PEX5L: variants seen among roughly 807,000 people sequenced by gnomAD.
PEX5L encodes peroxisomal biogenesis factor 5 like.
A neutral mutation model predicts 84.0 loss-of-function variants in PEX5L; 30 were observed. The observed-to-expected ratio is 0.36, with a 90% CI of 0.27 to 0.48. The LOEUF is 0.48. Ranked by LOEUF, PEX5L falls within the 20% of genes least tolerant of loss-of-function variation. PEX5L has a pLI of 0.99. For synonymous variants in PEX5L, 270 were observed against 283.1 expected, an observed-to-expected ratio of 0.95 and a Z score of 0.46; for missense variants, 533 against 754.6, an observed-to-expected ratio of 0.71 and a Z score of 3.44.
intron 2 of PEX5L, among the ~76,000 whole-genome samples, chr3:179,918,012 T>A (rs2109341312): frequency 6.6e-6 from 1 of 152,300 alleles, no homozygotes; most frequent in East Asian, 1.9e-4. Flanking sequence ...CTCTTTGAGG[T>A]ATATGCTTTC....
rs568001783 is a variant in PEX5L at position 179,800,231 on chromosome 3, G to A, written c.*1597C>T. 4 of 152,292 alleles carry A rather than the reference G, an allele frequency of 2.6e-5. No homozygotes were observed. Among genetic ancestry groups the A allele is most frequent in the African/African-American group, 7.2e-5 (3 of 41,562 alleles). The allele number at this position is 152,292 out of a possible 1,614,324, so 9.4% of individuals were successfully genotyped here. On this transcript the variant is annotated 3_prime_UTR_variant, in exon 15 of 15. Coordinates refer to ENST00000467460, the MANE Select transcript of PEX5L (RefSeq NM_016559.3). ...AGCTTATTCCCCAGCCAATTAGACTGTTTTGATCCCAATTCTGTGGAGTCT... is the reference window on the plus strand; with the variant it reads ...AGCTTATTCCCCAGCCAATTAGACTATTTTGATCCCAATTCTGTGGAGTCT...
chr3:180,017,689 A>G (rs1356143819), intron 1 of PEX5L, among the ~76,000 whole-genome samples: 1 of 152,040 alleles, frequency 6.6e-6, no homozygotes, highest in African/African-American at 2.4e-5. Context: ...TGATCTTCCT[A>G]CATAAGTTTG....
In PEX5L at chr3:179,842,517, A is replaced by G. The variant is rs150881986; in HGVS notation, c.822+16545T>C. Among the ~76,000 whole-genome samples the G allele has an allele frequency of 9.2e-3, 1,401 of 152,220 alleles. 18 individuals are homozygous for G. Among genetic ancestry groups the G allele is most frequent in the African/African-American group, 0.032 (1,312 of 41,562 alleles). ...TTGAAGAACATCAAACCATATTTTA[A>G]TAAATATTTTATAAATATTTTTATA... On this transcript the variant is annotated intron_variant, in intron 8 of 14. Coordinates refer to ENST00000467460, the MANE Select transcript of PEX5L (RefSeq NM_016559.3).
chr3:179,862,764 C>T (rs1746658742), intron 7 of PEX5L, among the ~76,000 whole-genome samples: 1 of 152,124 alleles, frequency 6.6e-6, no homozygotes, highest in Non-Finnish European at 1.5e-5. Context: ...CAAACACTCC[C>T]TAAAGCAATC....
At chr3:179,905,348 C>T (rs1048835261) in intron 2 of PEX5L, among the ~76,000 whole-genome samples, 3 of 151,692 alleles carry the variant, frequency 2.0e-5, no homozygotes, top group Non-Finnish European at 4.4e-5. Flanking sequence ...TCTTGGCTCA[C>T]TGCAAGCTCT....
intron 2 of PEX5L, among the ~76,000 whole-genome samples, chr3:179,968,104 A>G (rs1481362762): frequency 1.3e-5 from 2 of 152,184 alleles, no homozygotes; most frequent in African/African-American, 2.4e-5. Context: ...TTTTTACAAT[A>G]CATGAACCTG....
At chr3:179,832,121 G>A (rs1014201560) in intron 8 of PEX5L, among the ~76,000 whole-genome samples, 3 of 152,052 alleles carry the variant, frequency 2.0e-5, no homozygotes, top group African/African-American at 4.8e-5. Context: ...TAGTGACTAG[G>A]GTAGGGTGCT....
chr3:179,827,581 G>A (rs755050578), intron 8 of PEX5L, among the ~76,000 whole-genome samples: 6 of 152,210 alleles, frequency 3.9e-5, no homozygotes, highest in Non-Finnish European at 5.9e-5. Flanking sequence ...TAAGCCACAG[G>A]TGTTGGAGTA....
At chr3:179,998,463 T>C (rs140845791) in intron 1 of PEX5L, among the ~76,000 whole-genome samples, 1 of 152,310 alleles carries the variant, frequency 6.6e-6, no homozygotes, top group Admixed American at 6.5e-5. Context: ...GGGATGCTAT[T>C]TGGAGCCTTC....
chr3:179,990,049 G>C (rs1225495158), intron 1 of PEX5L, among the ~76,000 whole-genome samples: 1 of 152,214 alleles, frequency 6.6e-6, no homozygotes, highest in Non-Finnish European at 1.5e-5. Flanking sequence ...ATAGTGCTTA[G>C]TTGATAAAAG....
intron 5 of PEX5L, among the ~76,000 whole-genome samples, chr3:179,877,524 T>TC: frequency 6.6e-6 from 1 of 152,306 alleles, no homozygotes; most frequent in East Asian, 1.9e-4. Context: ...TATGGTGCAG[T>TC]CACAGCTCAC....
chr3:179,801,836 C>G lies in PEX5L; in HGVS notation c.1873G>C (p.Asp625His). 6.2e-7 allele frequency: 1 copy of G among 1,601,760 alleles called. No individual in the cohort carries two copies. The highest frequency in any genetic ancestry group is 8.6e-7 in the Non-Finnish European group (1 of 1,168,704). ...CTGGTATTATTCTTTCTTCAAGGAT[C>G]CAAGTTGAAAGCTCTTAAGAGGACA... ...LDVLLRAFNL[D>H]P is the part of the protein sequence containing the mutation. Residue 625 changes from aspartate (D) to histidine (H), a missense_variant, in exon 15 of 15, where the codon GAT becomes CAT. Transcript: ENST00000467460.
chr3:179,929,322 C>G (rs1196004856), intron 2 of PEX5L, among the ~76,000 whole-genome samples: 1 of 152,116 alleles, frequency 6.6e-6, no homozygotes, highest in Non-Finnish European at 1.5e-5. Context: ...CCTCAAAGTA[C>G]TTAAATCTAA....
intron 2 of PEX5L, among the ~76,000 whole-genome samples, chr3:179,929,767 T>C (rs1772502386): frequency 1.3e-5 from 2 of 152,182 alleles, no homozygotes; most frequent in Non-Finnish European, 2.9e-5. Flanking sequence ...CATGACATCT[T>C]TTCCCAAACC....
intron 2 of PEX5L, among the ~76,000 whole-genome samples, chr3:179,944,790 G>C (rs748804441): frequency 6.6e-6 from 1 of 152,152 alleles, no homozygotes; most frequent in Non-Finnish European, 1.5e-5. Context: ...GTACATTGAA[G>C]GGTTTCCCCA....
intron 2 of PEX5L, among the ~76,000 whole-genome samples, chr3:179,931,577 A>G (rs1210365284): frequency 6.6e-6 from 1 of 152,162 alleles, no homozygotes; most frequent in African/African-American, 2.4e-5. Flanking sequence ...AAATGACAAG[A>G]TGCCTGAAGC....
At chr3:179,957,150 C>T (rs1053325423) in intron 2 of PEX5L, among the ~76,000 whole-genome samples, 22 of 41,596 alleles carry the variant, frequency 5.3e-4, no homozygotes, top group Admixed American at 5.1e-3. Flanking sequence ...ACACCGACTG[C>T]GACTATAAAA....
chr3:179,950,486 C>T (rs900886200), intron 2 of PEX5L, among the ~76,000 whole-genome samples: 2 of 150,832 alleles, frequency 1.3e-5, no homozygotes, highest in African/African-American at 2.4e-5. Flanking sequence ...ACATTGTGCA[C>T]ATGTACCCTA....
intron 2 of PEX5L, among the ~76,000 whole-genome samples, chr3:179,955,160 A>G (rs1205350341): frequency 6.6e-6 from 1 of 152,126 alleles, no homozygotes; most frequent in Non-Finnish European, 1.5e-5. Context: ...GGAAGTTCTG[A>G]GGAAGCTAGA....
Sources: gnomAD v4.1 joint callset for allele counts (sites outside exome capture counted in the v4.1 genomes callset) on GRCh38, gnomAD v4.1.1 for gene constraint, MANE v1.5 for transcripts, NCBI Gene and HGNC (gene_info 2026-07-23, HGNC 2026-07-21) for gene names.